The following MAGI1 variants were observed in gnomAD, a reference collection of about 807,000 sequenced individuals.
MAGI1 encodes the protein membrane associated guanylate kinase, WW and PDZ domain containing 1.
In MAGI1, 58 loss-of-function variants were observed where a neutral mutation model predicts 139.9. That is an observed-to-expected ratio of 0.41 (90% CI 0.34 to 0.52). The LOEUF (loss-of-function observed/expected upper bound fraction) is 0.52. Ranked by LOEUF, MAGI1 falls within the 20% of genes least tolerant of loss-of-function variation. MAGI1 has a pLI of 0.12. For missense variants in MAGI1, 1,874 were observed against 1,901.6 expected (o/e 0.99, Z 0.27); for synonymous variants, 812 against 737.9 (o/e 1.10, Z -1.63).
At chr3:65,422,986 A>G (rs974752421) in intron 12 of MAGI1, among the ~76,000 whole-genome samples, 9 of 152,174 alleles carry the variant, frequency 5.9e-5, no homozygotes, top group African/African-American at 1.7e-4. Context: ...TGGAGGAAGC[A>G]CTGAGACCTG....
intron 18 of MAGI1, among the ~76,000 whole-genome samples, chr3:65,369,804 C>T (rs9845952): frequency 0.12 from 18,214 of 151,042 alleles, 1,598 homozygotes; most frequent in African/African-American, 0.25. Flanking sequence ...CTACCATGCC[C>T]GGCCCCAGAC....
rs1273386719 is a variant in MAGI1 at position 65,353,990 on chromosome 3, A to G, written c.*2388T>C. 1 of 152,252 alleles carries G rather than the reference A, an allele frequency of 6.6e-6. No homozygotes were observed. The highest frequency in any genetic ancestry group is 2.4e-5 in the African/African-American group (1 of 41,460). The allele number at this position is 152,252 out of a possible 1,614,324, so 9.4% of individuals were successfully genotyped here. A position where few individuals can be genotyped will look rare whatever the true frequency, so the allele number is the denominator to read the frequency against. ...ATTTTAAATTGCCAAATATCATCTT[A>G]CAACAAGAAGGACATCAAGATGTTA... On this transcript the variant is annotated 3_prime_UTR_variant, in exon 23 of 23. Transcript: ENST00000402939.
At chr3:65,505,981 C>T (rs1218237107) in intron 2 of MAGI1, among the ~76,000 whole-genome samples, 4 of 152,160 alleles carry the variant, frequency 2.6e-5, no homozygotes, top group Non-Finnish European at 5.9e-5. Context: ...AATTTAACAG[C>T]TGCTTTCATT....
chr3:65,431,387 A>G (rs897172857), intron 10 of MAGI1, among the ~76,000 whole-genome samples: 1 of 152,200 alleles, frequency 6.6e-6, no homozygotes, highest in African/African-American at 2.4e-5. Context: ...TATTATAGTC[A>G]CAAATAATAA....
chr3:65,480,977 T>C (rs551405976), intron 3 of MAGI1, among the ~76,000 whole-genome samples: 2 of 152,336 alleles, frequency 1.3e-5, no homozygotes, highest in African/African-American at 4.8e-5. Context: ...ACACCCACTT[T>C]CTTTGAGAGG....
At chr3:65,552,259 G>GGTGTGTGTGTGTGT (rs10576104) in intron 2 of MAGI1, among the ~76,000 whole-genome samples, 16 of 148,044 alleles carry the variant, frequency 1.1e-4, no homozygotes, top group African/African-American at 3.5e-4. Context: ...TGTGTATAGG[G>GGTGTGTGTGTGTGT]GTGTGTGTGT....
chr3:66,037,851 G>T (rs1451762392), intron 1 of MAGI1, 145 bp downstream of exon 1: 1 of 1,389,180 alleles, frequency 7.2e-7, no homozygotes, highest in Non-Finnish European at 9.7e-7. Flanking sequence ...ACAACTTTGT[G>T]TATTTCACCG....
chr3:65,801,921 C>T (rs1319867035), intron 1 of MAGI1, among the ~76,000 whole-genome samples: 3 of 152,088 alleles, frequency 2.0e-5, no homozygotes, highest in Non-Finnish European at 4.4e-5. Context: ...AGCTGGGCCT[C>T]CTGTGATATC....
intron 16 of MAGI1, among the ~76,000 whole-genome samples, chr3:65,381,504 G>A (rs920001353): frequency 3.3e-5 from 5 of 151,984 alleles, no homozygotes; most frequent in East Asian, 1.9e-4. Flanking sequence ...GCACAAACCC[G>A]ATTTTTGTTC....
intron 1 of MAGI1, among the ~76,000 whole-genome samples, chr3:65,662,709 T>A (rs887323737): frequency 1.3e-5 from 2 of 152,224 alleles, no homozygotes; most frequent in African/African-American, 4.8e-5. Context: ...TCTTTTTTTG[T>A]GTCAACAGTA....
chr3:65,395,758 C>A (rs1352749665), intron 13 of MAGI1, among the ~76,000 whole-genome samples: 1 of 151,542 alleles, frequency 6.6e-6, no homozygotes, highest in African/African-American at 2.4e-5. Flanking sequence ...AACGCATGAG[C>A]CCTGTGGGCT....
intron 2 of MAGI1, among the ~76,000 whole-genome samples, chr3:65,553,240 T>G (rs1253914662): frequency 1.3e-5 from 2 of 152,120 alleles, no homozygotes; most frequent in African/African-American, 2.4e-5. Flanking sequence ...GTCATACATT[T>G]GGAGTGTAAG....
At chr3:65,503,145 C>G (rs921088611) in intron 2 of MAGI1, among the ~76,000 whole-genome samples, 1 of 152,204 alleles carries the variant, frequency 6.6e-6, no homozygotes, top group Admixed American at 6.5e-5. Context: ...CTTCTGAGAA[C>G]TTGGAATCAG....
chr3:65,615,274 C>T (rs2083312649), intron 2 of MAGI1, among the ~76,000 whole-genome samples: 2 of 152,126 alleles, frequency 1.3e-5, no homozygotes, highest in Non-Finnish European at 2.9e-5. Context: ...TTACCAAACC[C>T]ATTCCCCAGC....
intron 2 of MAGI1, among the ~76,000 whole-genome samples, chr3:65,589,334 C>T (rs552561741): frequency 1.3e-5 from 2 of 152,330 alleles, no homozygotes; most frequent in East Asian, 1.9e-4. Flanking sequence ...ATCCCACACT[C>T]TGCTGGACAG....
intron 1 of MAGI1, among the ~76,000 whole-genome samples, chr3:65,842,362 CTTTT>C (rs10711015): frequency 7.0e-6 from 1 of 142,480 alleles, no homozygotes; most frequent in Admixed American, 7.0e-5. Flanking sequence ...TAAATGTGTA[CTTTT>C]TTTTTTTTTT....
intron 8 of MAGI1, among the ~76,000 whole-genome samples, chr3:65,441,673 T>C (rs950589973): frequency 2.0e-5 from 3 of 152,170 alleles, no homozygotes; most frequent in African/African-American, 7.2e-5. Context: ...GTGAGAAAGA[T>C]GATCTTTGGG....
At chr3:65,816,587 T>A (rs1477619906) in intron 1 of MAGI1, among the ~76,000 whole-genome samples, 2 of 150,986 alleles carry the variant, frequency 1.3e-5, no homozygotes, top group Middle Eastern at 3.2e-3. Context: ...TGACCGATTG[T>A]CCAAAATGGA....
intron 4 of MAGI1, among the ~76,000 whole-genome samples, chr3:65,475,482 G>A (rs1014558714): frequency 3.9e-5 from 6 of 152,136 alleles, no homozygotes; most frequent in African/African-American, 1.4e-4. Flanking sequence ...CCAAAGTGCT[G>A]GGATTACAGG....
Sources: gnomAD v4.1 joint callset for allele counts (sites outside exome capture counted in the v4.1 genomes callset) on GRCh38, gnomAD v4.1.1 for gene constraint, MANE v1.5 for transcripts, NCBI Gene and HGNC (gene_info 2026-07-23, HGNC 2026-07-21) for gene names.